DEFB109B: variants seen among roughly 807,000 people sequenced by gnomAD.
DEFB109B encodes beta-defensin 109B.
At position 7,319,623 on chromosome 8, in the gene DEFB109B, C is replaced by G. The variant is rs1444344329; in HGVS notation, n.59-123C>G. ...GCATGTGTCTCTGACATATGAGCAG[C>G]AACCATGTCAAGAGCTCCCACATAA... On this transcript the variant is annotated intron_variant and non_coding_transcript_variant, in intron 1 of 1. Coordinates refer to ENST00000382656, the Ensembl canonical transcript of DEFB109B. 2.8e-5 allele frequency: 4 copies of G among 142,840 alleles called. 1 individual carries two copies. Among genetic ancestry groups the G allele is most frequent in the African/African-American group, 9.3e-5 (3 of 32,198 alleles). 8.8% of individuals were successfully genotyped at this position (142,840 alleles called of 1,614,324 possible).
chr8:7,309,651 A>C (rs1802499066), upstream of DEFB109B, among the ~76,000 whole-genome samples: 1 of 148,260 alleles, frequency 6.7e-6, no homozygotes, highest in African/African-American at 2.6e-5. Flanking sequence ...CCCCTTGAAC[A>C]GACATGGTTT....
At chr8:7,317,459 T>A (rs1398699204) in intron 1 of DEFB109B, among the ~76,000 whole-genome samples, 1 of 146,510 alleles carries the variant, frequency 6.8e-6, no homozygotes, top group East Asian at 1.9e-4. Flanking sequence ...GAGGAGATAT[T>A]TTAAGAACTT....
upstream of DEFB109B, among the ~76,000 whole-genome samples, chr8:7,310,560 G>A (rs978138796): frequency 1.4e-5 from 2 of 138,722 alleles, no homozygotes; most frequent in African/African-American, 6.7e-5. Context: ...ATTGTCATCT[G>A]CACCTCTGCC....
chr8:7,315,263 A>G (rs1420147438), intron 1 of DEFB109B, among the ~76,000 whole-genome samples: 2 of 125,008 alleles, frequency 1.6e-5, no homozygotes, highest in Admixed American at 7.4e-5. Context: ...CACGCCTGTA[A>G]TCCCAGCACT....
upstream of DEFB109B, among the ~76,000 whole-genome samples, chr8:7,309,623 T>G (rs950214709): frequency 2.0e-5 from 3 of 148,038 alleles, no homozygotes; most frequent in African/African-American, 8.0e-5. Flanking sequence ...CATGCAATCA[T>G]GAATCACAGG....
chr8:7,315,326 C>T (rs374881093), intron 1 of DEFB109B, among the ~76,000 whole-genome samples: 2 of 135,032 alleles, frequency 1.5e-5, no homozygotes, highest in Admixed American at 6.9e-5. Context: ...ACGGTGAAAC[C>T]CTTTCTCTAC....
chr8:7,316,688 G>C (rs537646442), intron 1 of DEFB109B, among the ~76,000 whole-genome samples: 1 of 144,538 alleles, frequency 6.9e-6, no homozygotes, highest in Admixed American at 6.7e-5. Context: ...ATGCAGTGTT[G>C]CAATCTTGGC....
chr8:7,319,512 C>G (rs1407440198), intron 1 of DEFB109B: 3 of 133,668 alleles, frequency 2.2e-5, no homozygotes, highest in Non-Finnish European at 4.6e-5. Context: ...GAAGAGGTAC[C>G]ATCTCCTCCC....
intron 1 of DEFB109B, among the ~76,000 whole-genome samples, chr8:7,313,835 G>C (rs1802770606): frequency 7.9e-6 from 1 of 126,814 alleles, no homozygotes; most frequent in Non-Finnish European, 1.5e-5. Flanking sequence ...TAATAACCTG[G>C]CAACACTGAA....
At chr8:7,315,754 T>C (rs1032255449) in intron 1 of DEFB109B, among the ~76,000 whole-genome samples, 1 of 143,460 alleles carries the variant, frequency 7.0e-6, no homozygotes, top group Non-Finnish European at 1.5e-5. Context: ...GGATCCGTTC[T>C]TTTTTCAGTA....
In DEFB109B at chr8:7,315,426, G is replaced by C. The variant is rs1360744440; in HGVS notation, n.58+2523G>C. Among the ~76,000 whole-genome samples, 2 of 138,390 alleles carry C rather than the reference G, an allele frequency of 1.4e-5. 1 individual carries two copies. The highest frequency in any genetic ancestry group is 6.9e-5 in the African/African-American group (2 of 28,898). The allele number at this position is 138,390 out of a possible 152,430, so 90.8% of individuals were successfully genotyped here. On this transcript the variant is annotated intron_variant and non_coding_transcript_variant, in intron 1 of 1. Coordinates refer to ENST00000382656, the Ensembl canonical transcript of DEFB109B. ...AGGCAGGACAATCACTTGAACCCTG[G>C]AGGCGGAGGTTGCGGTGAGCCGAGA... is the stretch of plus-strand genomic sequence containing the variant.
rs1251087831 is a variant in DEFB109B at position 7,319,638 on chromosome 8, C to T, written n.59-108C>T. ...ATATGAGCAGCAACCATGTCAAGAG[C>T]TCCCACATAAAAACGTTCATACTAA... On this transcript the variant is annotated intron_variant and non_coding_transcript_variant, in intron 1 of 1. Transcript: ENST00000382656. 9 of 144,384 alleles carry T rather than the reference C, an allele frequency of 6.2e-5. 1 individual carries two copies. The highest frequency in any genetic ancestry group is 2.7e-4 in the African/African-American group (9 of 33,230). The allele number at this position is 144,384 out of a possible 1,614,324, so 8.9% of individuals were successfully genotyped here. A position where few individuals can be genotyped will look rare whatever the true frequency, so the allele number is the denominator to read the frequency against.
chr8:7,315,607 C>A (rs1339656597), intron 1 of DEFB109B, among the ~76,000 whole-genome samples: 1 of 132,126 alleles, frequency 7.6e-6, no homozygotes, highest in Admixed American at 7.0e-5. Context: ...TGGGCCCCTA[C>A]TGATGCTAAA....
At chr8:7,316,877 G>A (rs1287206697) in intron 1 of DEFB109B, among the ~76,000 whole-genome samples, 7 of 127,868 alleles carry the variant, frequency 5.5e-5, no homozygotes, top group Admixed American at 1.5e-4. Flanking sequence ...TCCTGACCTC[G>A]TGATCCACCC....
At chr8:7,319,628 A>T (rs1202769922) in intron 1 of DEFB109B, 118 bp from the exon 2 acceptor site, 4 of 143,174 alleles carry the variant, frequency 2.8e-5, no homozygotes, top group Non-Finnish European at 4.4e-5. Flanking sequence ...AGCAGCAACC[A>T]TGTCAAGAGC....
At chr8:7,309,590 A>T (rs1369266639), upstream of DEFB109B, among the ~76,000 whole-genome samples, 7 of 148,124 alleles carry the variant, frequency 4.7e-5, no homozygotes, top group African/African-American at 1.9e-4. Context: ...ACCCTGCAAC[A>T]GAGCATGCCC....
chr8:7,315,870 G>T (rs1164902267), intron 1 of DEFB109B, among the ~76,000 whole-genome samples: 2 of 135,970 alleles, frequency 1.5e-5, no homozygotes, highest in East Asian at 4.1e-4. Context: ...TTATTCTTTT[G>T]TCAGGGCAAG....
chr8:7,317,331 T>G lies in DEFB109B; in HGVS notation n.59-2415T>G, dbSNP rs1050245752. Reference sequence around the variant, plus strand: ...GTCAGTAGTACCACCATTAGCATTGTTGATAATAGCAGATCTTCCCAGAAG... The same window carrying G: ...GTCAGTAGTACCACCATTAGCATTGGTGATAATAGCAGATCTTCCCAGAAG... On this transcript the variant is annotated intron_variant and non_coding_transcript_variant, in intron 1 of 1. Transcript: ENST00000382656. Among the ~76,000 whole-genome samples, 15 of 139,778 alleles carry G rather than the reference T, an allele frequency of 1.1e-4. 2 individuals are homozygous for G. Among genetic ancestry groups the G allele is most frequent in the African/African-American group, 4.5e-4 (15 of 33,224 alleles). The allele number at this position is 139,778 out of a possible 152,430, so 91.7% of individuals were successfully genotyped here.
chr8:7,316,849 G>T (rs1447020476), intron 1 of DEFB109B, among the ~76,000 whole-genome samples: 2 of 126,714 alleles, frequency 1.6e-5, no homozygotes, highest in Admixed American at 7.4e-5. Context: ...CACCATCTTG[G>T]GCATGCTGTT....
Sources: gnomAD v4.1 joint callset for allele counts (sites outside exome capture counted in the v4.1 genomes callset) on GRCh38, gnomAD v4.1.1 for gene constraint, MANE v1.5 for transcripts, NCBI Gene and HGNC (gene_info 2026-07-23, HGNC 2026-07-21) for gene names.